The following NRF1 variants were observed in gnomAD, a reference collection of about 807,000 sequenced individuals.
NRF1 encodes the protein nuclear respiratory factor 1.
NRF1 carries 5 observed loss-of-function variants against 58.5 expected under a neutral mutation model. The observed-to-expected ratio is 0.09, with a 90% confidence interval of 0.04 to 0.18. NRF1 has a LOEUF of 0.18. Among genes scored for constraint, NRF1 ranks in the 10% least tolerant of loss-of-function variants. The pLI is 1.00. For missense variants in NRF1, 288 were observed against 657.7 expected (o/e 0.44, Z 6.15); for synonymous variants, 224 against 246.7 (o/e 0.91, Z 0.86).
intron 1 of NRF1, among the ~76,000 whole-genome samples, chr7:129,643,214 A>G (rs1164258637): frequency 6.6e-6 from 1 of 152,214 alleles, no homozygotes; most frequent in Admixed American, 6.5e-5. Context: ...AAGAAAAATC[A>G]TGAATTGAGC....
chr7:129,729,607 C>G (rs1308261378), intron 10 of NRF1, among the ~76,000 whole-genome samples: 1 of 152,136 alleles, frequency 6.6e-6, no homozygotes, highest in African/African-American at 2.4e-5. Flanking sequence ...TTTCATCTGC[C>G]CTTGGGAATC....
intron 10 of NRF1, among the ~76,000 whole-genome samples, chr7:129,735,744 G>C (rs956834854): frequency 6.6e-6 from 1 of 150,884 alleles, no homozygotes; most frequent in African/African-American, 2.4e-5. Flanking sequence ...CGCGGTGGCT[G>C]ACGCCTGTAA....
chr7:129,735,679 AG>A (rs1255252015), intron 10 of NRF1, among the ~76,000 whole-genome samples: 1 of 151,972 alleles, frequency 6.6e-6, no homozygotes, highest in African/African-American at 2.4e-5. Flanking sequence ...CTTGCTGCTG[AG>A]GTTCCACCTT....
chr7:129,726,582 C>T (rs960117433), intron 9 of NRF1, among the ~76,000 whole-genome samples: 3 of 152,144 alleles, frequency 2.0e-5, no homozygotes, highest in African/African-American at 7.2e-5. Flanking sequence ...ACAGTTTGGA[C>T]TTGCAGTGAT....
At chr7:129,733,061 A>ACT (rs10656119) in intron 10 of NRF1, among the ~76,000 whole-genome samples, 151,422 of 152,102 alleles carry the variant, frequency 1, 75,378 homozygotes, top group Non-Finnish European at 1. Context: ...ACAAAGCGAG[A>ACT]CTGTCTCAAA....
chr7:129,694,065 G>A (rs9656383), intron 5 of NRF1, among the ~76,000 whole-genome samples: 52,016 of 151,998 alleles, frequency 0.34, 9,199 homozygotes, highest in East Asian at 0.61. Context: ...TGAATGAGGA[G>A]CTGGATCTCA....
intron 1 of NRF1, chr7:129,633,307 TA>T (rs1433414121): frequency 2.6e-5 from 4 of 152,132 alleles, no homozygotes; most frequent in African/African-American, 4.8e-5. Flanking sequence ...AAAAGGAAAA[TA>T]AAAAGCCTAC....
intron 2 of NRF1, among the ~76,000 whole-genome samples, chr7:129,669,767 G>C (rs564393773): frequency 6.6e-6 from 1 of 152,174 alleles, no homozygotes; most frequent in Non-Finnish European, 1.5e-5. Context: ...AGCCGCTCTG[G>C]AAAACAGTAT....
rs948109806 is a variant in NRF1 at position 129,645,534 on chromosome 7, C to T, written c.-6-11812C>T. On this transcript the variant is annotated intron_variant, in intron 1 of 10. Coordinates refer to ENST00000393232, the MANE Select transcript of NRF1 (RefSeq NM_005011.5). ...CCACCACTGATTTTCAGTAGGTCTA[C>T]GCAGTCCGCTAGGGAGTTAGGATGG... 1.1e-4 allele frequency among the ~76,000 whole-genome samples: 16 copies of T among 152,308 alleles called. No individual in the cohort carries two copies. The East Asian group carries it at 1.9e-3, about 18-fold the overall frequency.
chr7:129,675,275 C>G (rs1214441716), intron 3 of NRF1, among the ~76,000 whole-genome samples: 1 of 152,222 alleles, frequency 6.6e-6, no homozygotes, highest in African/African-American at 2.4e-5. Flanking sequence ...ACTTCCTCCA[C>G]TGAAGTGTTG....
At position 129,755,077 on chromosome 7, in the gene NRF1, A is replaced by G. The variant is rs1449689525; in HGVS notation, c.1408A>G (p.Asn470Asp). ...QTVVTSLAQG[N>D]GPVQVAMAPV... The stretch of plus-strand genomic sequence containing the variant: ...TGTGGTGACCAGCCTCGCCCAGGGC[A>G]ACGGACCAGTGCAGGTGGCCATGGC... The change falls in exon 11 of 11, where the codon AAC becomes GAC. Residue 470 changes from asparagine (N) to aspartate (D), a missense_variant. By Grantham distance (23) the Asn-to-Asp change is conservative. Around this residue, in one of 3 missense-constraint regions of NRF1, gnomAD observed 212 missense variants for 559.7 expected, o/e 0.38. Transcript: ENST00000393232. This position sits in a 1 kb window ranked among gnomAD's most constrained non-coding sequence, Gnocchi z 5.8. 6.2e-7 allele frequency: 1 copy of G among 1,613,812 alleles called. No individual in the cohort carries two copies. Among genetic ancestry groups the G allele is most frequent in the Non-Finnish European group, 8.5e-7 (1 of 1,179,958 alleles).
intron 1 of NRF1, among the ~76,000 whole-genome samples, chr7:129,638,423 A>G (rs1005776220): frequency 2.6e-5 from 4 of 152,192 alleles, no homozygotes; most frequent in Non-Finnish European, 5.9e-5. Context: ...AGGAAGGTGG[A>G]TGATGAGCAG....
intron 1 of NRF1, among the ~76,000 whole-genome samples, chr7:129,634,041 A>ATATATAT (rs1554403123): frequency 3.5e-5 from 4 of 113,810 alleles, no homozygotes; most frequent in African/African-American, 1.1e-4. Flanking sequence ...AAAAAAAAAA[A>ATATATAT]AGATATATAT....
intron 8 of NRF1, among the ~76,000 whole-genome samples, chr7:129,714,880 G>T (rs1431348845): frequency 1.3e-5 from 2 of 152,118 alleles, no homozygotes; most frequent in Non-Finnish European, 2.9e-5. Context: ...TAACAAGCAG[G>T]CACAAGGTAA....
intron 5 of NRF1, among the ~76,000 whole-genome samples, chr7:129,703,743 T>G (rs924033338): frequency 6.6e-6 from 1 of 152,218 alleles, no homozygotes; most frequent in African/African-American, 2.4e-5. Context: ...ATTAGCATTT[T>G]TAAAAGCTAT....
chr7:129,668,185 A>G (rs1235023853), intron 2 of NRF1, among the ~76,000 whole-genome samples: 1 of 152,184 alleles, frequency 6.6e-6, no homozygotes, highest in African/African-American at 2.4e-5. Context: ...TTAATAGCCC[A>G]TACTTTTTTT....
intron 1 of NRF1, among the ~76,000 whole-genome samples, chr7:129,656,617 C>T (rs1441999267): frequency 3.3e-5 from 5 of 151,990 alleles, no homozygotes; most frequent in Non-Finnish European, 7.4e-5. Flanking sequence ...CTCTGTCTCC[C>T]AGGCTGGAGT....
At chr7:129,619,966 T>C (rs781201539) in intron 1 of NRF1, among the ~76,000 whole-genome samples, 3 of 152,058 alleles carry the variant, frequency 2.0e-5, no homozygotes, top group Non-Finnish European at 4.4e-5. Flanking sequence ...AAGTTATGTG[T>C]GAGTGCATGT....
intron 1 of NRF1, among the ~76,000 whole-genome samples, chr7:129,639,628 A>G (rs1399105316): frequency 6.8e-6 from 1 of 147,866 alleles, no homozygotes; most frequent in Non-Finnish European, 1.5e-5. Context: ...GCTCACTGCA[A>G]CCTCCACCTC....
Sources: allele counts gnomAD v4.1 joint callset (sites outside exome capture counted in the v4.1 genomes callset), GRCh38; gene constraint gnomAD v4.1.1; regional missense constraint gnomAD v4.1.1; non-coding constraint Gnocchi (gnomAD v3.1); transcripts MANE v1.5; gene names NCBI Gene and HGNC (gene_info 2026-07-23, HGNC 2026-07-21).